PRH1: variants seen among roughly 807,000 people sequenced by gnomAD.
The protein encoded by PRH1 is proline rich protein HaeIII subfamily 1.
A neutral mutation model predicts 7.9 loss-of-function variants in PRH1; 7 were observed. That is an observed-to-expected ratio of 0.89 (90% CI 0.50 to 1.67). The LOEUF is 1.67. PRH1 is among the 40% of genes most tolerant of loss of function. The pLI, the probability that PRH1 is intolerant of heterozygous loss-of-function variation, is 0.00. For missense variants in PRH1, 109 were observed against 223.6 expected, an observed-to-expected ratio of 0.49 and a Z score of 3.27; for synonymous variants, 45 against 80.8, an observed-to-expected ratio of 0.56 and a Z score of 2.38.
chr12:10,979,846 T>C (rs1390397931), intron 1 of PRH1, among the ~76,000 whole-genome samples: 1 of 152,152 alleles, frequency 6.6e-6, no homozygotes, highest in Non-Finnish European at 1.5e-5. Flanking sequence ...ACGTGGACTC[T>C]ATGTTTTTTG....
chr12:11,087,728 T>A (rs1209651644), intron 1 of PRH1, among the ~76,000 whole-genome samples: 1 of 116,414 alleles, frequency 8.6e-6, no homozygotes, highest in African/African-American at 2.9e-5. Context: ...ATAACCTGAT[T>A]CACTTAACCT....
chr12:11,092,034 A>T lies in PRH1; in HGVS notation n.124-44846T>A, dbSNP rs760586402. On this transcript the variant is annotated intron_variant and non_coding_transcript_variant, in intron 1 of 4. Coordinates refer to the PRH1 transcript ENST00000541977. The stretch of plus-strand genomic sequence containing the variant: ...GCTGGATTCAACACAGTTGAATACC[A>T]GTTTAATAATAATACCCAGAGCAAA... 8.7e-6 allele frequency: 13 copies of T among 1,487,998 alleles called. No homozygotes were observed. In the East Asian group the frequency reaches 1.4e-4, roughly 16 times the overall value. 92.2% of individuals were successfully genotyped at this position (1,487,998 alleles called of 1,614,324 possible).
At chr12:11,042,115 A>T (rs1942732335) in intron 1 of PRH1, among the ~76,000 whole-genome samples, 1 of 152,130 alleles carries the variant, frequency 6.6e-6, no homozygotes, top group South Asian at 2.1e-4. Flanking sequence ...GAACACAAAT[A>T]ATAAAAATTA....
At chr12:11,105,936 CTTT>C (rs765916131) in intron 1 of PRH1, among the ~76,000 whole-genome samples, 1 of 94,954 alleles carries the variant, frequency 1.1e-5, no homozygotes, top group Admixed American at 1.1e-4. Flanking sequence ...ATAACTTATT[CTTT>C]TTTTTTTTTT....
intron 1 of PRH1, among the ~76,000 whole-genome samples, chr12:11,102,161 T>G (rs1022601336): frequency 8.2e-4 from 125 of 152,068 alleles, no homozygotes; most frequent in Non-Finnish European, 1.3e-4. Context: ...AAGCTAACAA[T>G]GACTTTCTTC....
chr12:10,988,867 C>T (rs750526335), intron 1 of PRH1, among the ~76,000 whole-genome samples: 16 of 152,036 alleles, frequency 1.1e-4, no homozygotes, highest in Non-Finnish European at 1.9e-4. Flanking sequence ...AGTGCAGTGG[C>T]GCGATCTCAG....
intron 1 of PRH1, among the ~76,000 whole-genome samples, chr12:11,067,003 C>G (rs1943849464): frequency 6.6e-6 from 1 of 152,094 alleles, no homozygotes; most frequent in South Asian, 2.1e-4. Flanking sequence ...TGCAATAATA[C>G]AGTATATCAA....
intron 2 of PRH1, among the ~76,000 whole-genome samples, chr12:10,903,042 C>A (rs1366617048): frequency 6.6e-6 from 1 of 152,112 alleles, no homozygotes; most frequent in Non-Finnish European, 1.5e-5. Context: ...TCTAAATACC[C>A]TCACTTAAAA....
chr12:11,110,318 A>C (rs887300823), intron 1 of PRH1, among the ~76,000 whole-genome samples: 1 of 152,210 alleles, frequency 6.6e-6, no homozygotes, highest in Non-Finnish European at 1.5e-5. Flanking sequence ...AATACAGAGA[A>C]CACCACAAAG....
chr12:11,088,909 C>T (rs892251001), intron 1 of PRH1, among the ~76,000 whole-genome samples: 2 of 115,312 alleles, frequency 1.7e-5, no homozygotes, highest in African/African-American at 5.8e-5. Flanking sequence ...AAGAACATTC[C>T]CTCTTCAGCA....
At chr12:10,911,710 GA>G (rs905491317) in intron 2 of PRH1, among the ~76,000 whole-genome samples, 1 of 152,048 alleles carries the variant, frequency 6.6e-6, no homozygotes, top group Non-Finnish European at 1.5e-5. Flanking sequence ...CATTTGTTTA[GA>G]AATATTTCTT....
chr12:11,147,787 T>C (rs906350524), intron 1 of PRH1, among the ~76,000 whole-genome samples: 2 of 152,230 alleles, frequency 1.3e-5, no homozygotes, highest in African/African-American at 4.8e-5. Flanking sequence ...ATTTAAGATA[T>C]CAGTGAACTT....
At chr12:11,027,286 A>C (rs1012167127) in intron 1 of PRH1, among the ~76,000 whole-genome samples, 19 of 126,064 alleles carry the variant, frequency 1.5e-4, no homozygotes, top group Admixed American at 8.1e-4. Context: ...AATAATAATA[A>C]TAATATATTA....
chr12:10,928,604 G>A (rs1429890723), intron 2 of PRH1, among the ~76,000 whole-genome samples: 4 of 152,200 alleles, frequency 2.6e-5, no homozygotes, highest in Non-Finnish European at 5.9e-5. Flanking sequence ...TTGCCTGAGT[G>A]TAGTGAGATT....
chr12:10,909,845 G>A lies in PRH1; in HGVS notation c.-58-25570C>T, dbSNP rs559068301. Among the ~76,000 whole-genome samples the A allele has an allele frequency of 3.9e-5, 6 of 152,284 alleles. No individual in the cohort carries two copies. In the East Asian group the frequency reaches 1.2e-3, roughly 29 times the overall value. ...AAAAGAGTGCTCAATTTCTTGTGGA[G>A]CTAAAGCTGGATCTGGTCAATACTG... On this transcript the variant is annotated intron_variant, in intron 2 of 3. Transcript: ENST00000539853.
chr12:10,986,325 A>G (rs1378772505), intron 1 of PRH1: 2 of 1,614,062 alleles, frequency 1.2e-6, no homozygotes, highest in Non-Finnish European at 8.5e-7. Context: ...TAGGGTAGTT[A>G]CAGTCAAATA....
chr12:11,046,447 C>T (rs1290803747), intron 1 of PRH1, among the ~76,000 whole-genome samples: 1 of 152,146 alleles, frequency 6.6e-6, no homozygotes, highest in Admixed American at 6.5e-5. Context: ...AGATTTTCTC[C>T]TGACCTCCTG....
intron 1 of PRH1, among the ~76,000 whole-genome samples, chr12:11,100,806 C>A (rs1238811092): frequency 6.6e-6 from 1 of 151,980 alleles, no homozygotes; most frequent in Non-Finnish European, 1.5e-5. Flanking sequence ...TTTTTTATAC[C>A]TTAAAAAATT....
upstream of PRH1, among the ~76,000 whole-genome samples, chr12:11,049,923 G>C (rs2257110): frequency 0.75 from 113,423 of 152,138 alleles, 44,781 homozygotes; most frequent in East Asian, 0.96. Context: ...CACATGCACT[G>C]ACACACTTAG....
Sources: gnomAD v4.1 joint callset for allele counts (sites outside exome capture counted in the v4.1 genomes callset) on GRCh38, gnomAD v4.1.1 for gene constraint, MANE v1.5 for transcripts, NCBI Gene and HGNC (gene_info 2026-07-23, HGNC 2026-07-21) for gene names.